Variants in OSBP observed in about 807,000 individuals in gnomAD.
OSBP encodes oxysterol-binding protein 1.
In OSBP, 32 loss-of-function variants were observed where a neutral mutation model predicts 96.6. The observed-to-expected ratio is 0.33, with a 90% CI of 0.25 to 0.45. OSBP has a LOEUF of 0.45. Ranked by LOEUF, OSBP falls within the 20% of genes least tolerant of loss-of-function variation. The pLI, the probability that OSBP is intolerant of heterozygous loss-of-function variation, is 1.00. For missense variants in OSBP, 653 were observed against 1,029.7 expected (o/e 0.63, Z 5.01); for synonymous variants, 369 against 389.6 (o/e 0.95, Z 0.62).
chr11:59,597,733 G>A (rs1303601499), intron 7 of OSBP, among the ~76,000 whole-genome samples: 1 of 152,130 alleles, frequency 6.6e-6, no homozygotes, highest in Non-Finnish European at 1.5e-5. Context: ...TTGAGAGACA[G>A]TCTCGCTTGT....
chr11:59,605,362 T>C lies in OSBP; in HGVS notation c.822+3122A>G, dbSNP rs576266012. On this transcript the variant is annotated intron_variant, in intron 3 of 13. Transcript: ENST00000263847. Reference sequence around the variant, plus strand: ...GAAAGGGATAGATCTGAATATCCCATACCACTACCTGGATCAAAGCTTCTC... The same window carrying C: ...GAAAGGGATAGATCTGAATATCCCACACCACTACCTGGATCAAAGCTTCTC... Among the ~76,000 whole-genome samples, 10 of 152,218 alleles carry C rather than the reference T, an allele frequency of 6.6e-5. No homozygotes were observed. In the South Asian group the frequency reaches 1.9e-3, roughly 28 times the overall value.
At position 59,577,031 on chromosome 11, in the gene OSBP, A is replaced by C; in HGVS notation, c.2061-6T>G. 2.5e-6 allele frequency: 4 copies of C among 1,607,990 alleles called. No individual in the cohort carries two copies. Among genetic ancestry groups the C allele is most frequent in the Non-Finnish European group, 3.4e-6 (4 of 1,177,510 alleles). On this transcript the variant is annotated splice_region_variant and splice_polypyrimidine_tract_variant and intron_variant, in intron 12 of 13. Coordinates refer to ENST00000263847, the MANE Select transcript of OSBP (RefSeq NM_002556.3). The stretch of plus-strand genomic sequence containing the variant: ...ACATGTTTTCTGCATTCTTCCTAAA[A>C]GTAGAAGACAAGAAAAAGAAATGGT...
At chr11:59,604,522 T>A (rs1241350091) in intron 3 of OSBP, among the ~76,000 whole-genome samples, 1 of 151,782 alleles carries the variant, frequency 6.6e-6, no homozygotes, top group African/African-American at 2.4e-5. Context: ...GCCAACATAG[T>A]GAAACCCCAT....
intron 1 of OSBP, among the ~76,000 whole-genome samples, chr11:59,614,261 G>A (rs1193848811): frequency 6.6e-6 from 1 of 152,124 alleles, no homozygotes; most frequent in Non-Finnish European, 1.5e-5. Flanking sequence ...AAAAACCTTG[G>A]GAAAGTTGCC....
chr11:59,615,377 G>A lies in OSBP; in HGVS notation c.288C>T (p.Phe96=). 1 of 1,597,666 alleles carries A rather than the reference G, an allele frequency of 6.3e-7. No individual in the cohort carries two copies. The change falls in exon 1 of 14, where the codon TTC becomes TTT. Residue 96 remains phenylalanine, a synonymous_variant. Transcript: ENST00000263847. ...GSGSAREGWL[F]KWTNYIKGYQ... ...AGCCTTTGATATAATTGGTCCATTT[G>A]AAGAGCCAGCCCTCTCGAGCCGAGC...
chr11:59,584,935 A>G (rs1860475463), intron 9 of OSBP, among the ~76,000 whole-genome samples: 1 of 152,210 alleles, frequency 6.6e-6, no homozygotes, highest in Non-Finnish European at 1.5e-5. Context: ...TTCATAAATG[A>G]GGCTCAATGG....
intron 9 of OSBP, among the ~76,000 whole-genome samples, chr11:59,582,865 C>G (rs1324864030): frequency 1.4e-4 from 21 of 152,164 alleles, no homozygotes; most frequent in Non-Finnish European, 1.3e-4. Flanking sequence ...CAGTAAATGT[C>G]TGTTTATTTG....
At position 59,576,849 on chromosome 11, in the gene OSBP, G is replaced by C. The variant is rs1433304291; in HGVS notation, c.2237C>G (p.Ser746Cys). Residue 746 changes from serine (S) to cysteine (C), a missense_variant, in exon 13 of 14, where the codon TCC becomes TGC. Transcript: ENST00000263847. ...KQRLEEKQRL[S>C]RKKREAEAMK... is the part of the protein sequence containing the mutation. Reference sequence around the variant, plus strand: ...AGCTTCCGCTTCTCTCTTCTTTCTGGAAAGTCTTTGTTTTTCCTCCAGGCG... The same window carrying C: ...AGCTTCCGCTTCTCTCTTCTTTCTGCAAAGTCTTTGTTTTTCCTCCAGGCG... 7.4e-6 allele frequency: 12 copies of C among 1,614,138 alleles called. No homozygotes were observed. The highest frequency in any genetic ancestry group is 1.0e-5 in the Non-Finnish European group (12 of 1,180,028).
chr11:59,597,977 A>G (rs1024086061), intron 7 of OSBP, among the ~76,000 whole-genome samples: 13 of 152,048 alleles, frequency 8.5e-5, no homozygotes, highest in African/African-American at 2.7e-4. Context: ...AAGCGCTAGG[A>G]TTACAGGCAT....
chr11:59,574,694 C>G lies in OSBP; in HGVS notation c.*1883G>C, dbSNP rs900478151. On this transcript the variant is annotated 3_prime_UTR_variant, in exon 14 of 14. Coordinates refer to ENST00000263847, the MANE Select transcript of OSBP (RefSeq NM_002556.3). ...CTTTTATGAGCCTCCTTGAAAGAAGCCTTGACATAATCCCTGGCTTATTTT... is the reference window on the plus strand; with the variant it reads ...CTTTTATGAGCCTCCTTGAAAGAAGGCTTGACATAATCCCTGGCTTATTTT... The G allele has an allele frequency of 6.6e-6, 1 of 152,552 alleles. No homozygotes were observed. The highest frequency in any genetic ancestry group is 2.1e-4 in the South Asian group (1 of 4,834). 9.4% of individuals were successfully genotyped at this position (152,552 alleles called of 1,614,324 possible).
chr11:59,578,375 G>T (rs1860383776), intron 11 of OSBP, 45 bp from the exon 12 acceptor site: 2 of 1,574,516 alleles, frequency 1.3e-6, no homozygotes, highest in Non-Finnish European at 1.7e-6. Flanking sequence ...AATTCACTGT[G>T]AATTAGCTTA....
At chr11:59,589,864 T>C (rs1286689215) in intron 9 of OSBP, among the ~76,000 whole-genome samples, 2 of 151,792 alleles carry the variant, frequency 1.3e-5, no homozygotes, top group Non-Finnish European at 1.5e-5. Context: ...GCACCTGTAA[T>C]CCCAGCTACT....
At chr11:59,593,880 C>G in intron 8 of OSBP, 130 bp downstream of exon 8, 1 of 1,432,618 alleles carries the variant, frequency 7.0e-7, no homozygotes, top group Admixed American at 2.4e-5. Context: ...CGCTGACGTT[C>G]TGAAGAAAAA....
intron 11 of OSBP, 124 bp downstream of exon 11, chr11:59,580,050 T>C: frequency 1.4e-6 from 1 of 728,154 alleles, no homozygotes; most frequent in Non-Finnish European, 2.4e-6. Context: ...TATGTACACA[T>C]ACACTATATA....
At chr11:59,583,172 T>C (rs1398616007) in intron 9 of OSBP, among the ~76,000 whole-genome samples, 5 of 151,644 alleles carry the variant, frequency 3.3e-5, no homozygotes, top group Non-Finnish European at 7.4e-5. Flanking sequence ...ATTAGCTGGG[T>C]GTGGTGGTGT....
At chr11:59,583,545 C>T (rs954739734) in intron 9 of OSBP, among the ~76,000 whole-genome samples, 2 of 151,912 alleles carry the variant, frequency 1.3e-5, no homozygotes, top group South Asian at 2.1e-4. Flanking sequence ...TACCAGGTGC[C>T]GTGCTATGGT....
intron 4 of OSBP, 45 bp downstream of exon 4, chr11:59,601,595 T>C (rs1860725191): frequency 1.9e-6 from 3 of 1,573,614 alleles, no homozygotes; most frequent in African/African-American, 1.4e-5. Flanking sequence ...CAGAAAACCA[T>C]CTGGCTCACC....
intron 9 of OSBP, among the ~76,000 whole-genome samples, chr11:59,589,356 T>A (rs1860547144): frequency 1.3e-5 from 2 of 151,662 alleles, no homozygotes. Flanking sequence ...ATCCCAGCAC[T>A]TTGGGAGGCC....
At chr11:59,582,899 T>G (rs1860438645) in intron 9 of OSBP, among the ~76,000 whole-genome samples, 1 of 152,226 alleles carries the variant, frequency 6.6e-6, no homozygotes, top group African/African-American at 2.4e-5. Flanking sequence ...TTGAAACATA[T>G]AGCTGACTCC....
Sources: gnomAD v4.1 joint callset for allele counts (sites outside exome capture counted in the v4.1 genomes callset) on GRCh38, gnomAD v4.1.1 for gene constraint, MANE v1.5 for transcripts, NCBI Gene and HGNC (gene_info 2026-07-23, HGNC 2026-07-21) for gene names.